The following BLTP3A variants were observed in gnomAD, a reference collection of about 807,000 sequenced individuals.
BLTP3A encodes the protein ICBP90 binding protein 1.
chr6:34,871,737 TA>T, the BLTP3A span: 4 of 1,612,628 alleles, frequency 2.5e-6, no homozygotes, highest in Non-Finnish European at 3.4e-6. Context: ...CCTTTTCTCC[TA>T]AAAGTGAATA....
chr6:34,824,601 A>G, the BLTP3A span, among the ~76,000 whole-genome samples: 1 of 150,730 alleles, frequency 6.6e-6, no homozygotes, highest in African/African-American at 2.4e-5. Flanking sequence ...ATCATCTAGT[A>G]CCTATTTCAT....
the BLTP3A span, among the ~76,000 whole-genome samples, chr6:34,814,335 C>T: frequency 1.3e-5 from 2 of 152,086 alleles, no homozygotes; most frequent in Admixed American, 1.3e-4. Flanking sequence ...TTTTTTTAAC[C>T]TATTCTTTGT....
the BLTP3A span, among the ~76,000 whole-genome samples, chr6:34,809,885 C>A: frequency 6.6e-6 from 1 of 152,214 alleles, no homozygotes; most frequent in East Asian, 1.9e-4. Context: ...GTTTACTGTT[C>A]ACTGGAAGCC....
At chr6:34,820,985 T>C in the BLTP3A span, among the ~76,000 whole-genome samples, 2 of 148,432 alleles carry the variant, frequency 1.3e-5, no homozygotes, top group Non-Finnish European at 3.0e-5. Context: ...AGATGGAGTT[T>C]TGCTCTTGTT....
chr6:34,836,247 G>A, the BLTP3A span: 1 of 1,614,218 alleles, frequency 6.2e-7, no homozygotes, highest in Non-Finnish European at 8.5e-7. Context: ...AGCCGCCTCA[G>A]CCAGTACTTT....
chr6:34,858,748 A>G, the BLTP3A span: 1 of 1,614,246 alleles, frequency 6.2e-7, no homozygotes. Flanking sequence ...GAAAGAAGGC[A>G]GTAGTGGTAT....
chr6:34,805,319 G>A, the BLTP3A span, among the ~76,000 whole-genome samples: 3 of 151,144 alleles, frequency 2.0e-5, no homozygotes, highest in African/African-American at 4.9e-5. Flanking sequence ...ATGGCTGGGC[G>A]TGGTAGCTCA....
the BLTP3A span, chr6:34,876,845 A>G: frequency 6.6e-6 from 1 of 152,186 alleles, no homozygotes; most frequent in Non-Finnish European, 1.5e-5. Context: ...CACAAGGGGA[A>G]ACACTCTTGG....
the BLTP3A span, among the ~76,000 whole-genome samples, chr6:34,868,634 G>T: frequency 6.6e-6 from 1 of 151,596 alleles, no homozygotes; most frequent in Non-Finnish European, 1.5e-5. Context: ...TGAGGCAGGA[G>T]AATTGCTTGA....
At chr6:34,834,829 C>G in the BLTP3A span, 2 of 1,614,114 alleles carry the variant, frequency 1.2e-6, no homozygotes, top group South Asian at 1.1e-5. Context: ...TATTACGAAC[C>G]AAGGCAGGAT....
At chr6:34,843,596 C>A in the BLTP3A span, among the ~76,000 whole-genome samples, 1 of 152,112 alleles carries the variant, frequency 6.6e-6, no homozygotes, top group Non-Finnish European at 1.5e-5. Flanking sequence ...ATTTGTGTTA[C>A]AAACATTCTA....
the BLTP3A span, chr6:34,834,443 G>T: frequency 4.4e-6 from 7 of 1,604,810 alleles, no homozygotes; most frequent in African/African-American, 8.0e-5. Context: ...GAGAATGGGG[G>T]AATATTCAAA....
chr6:34,834,247 A>C, the BLTP3A span: 2 of 1,613,862 alleles, frequency 1.2e-6, no homozygotes, highest in Non-Finnish European at 1.7e-6. Context: ...AGGTGGTGGA[A>C]GGGATGTTCA....
At chr6:34,843,071 C>T in the BLTP3A span, among the ~76,000 whole-genome samples, 4 of 152,296 alleles carry the variant, frequency 2.6e-5, no homozygotes, top group South Asian at 8.3e-4. Context: ...GAAGCCTCAA[C>T]TTCCCAGACT....
chr6:34,827,236 G>A, the BLTP3A span, among the ~76,000 whole-genome samples: 1 of 151,938 alleles, frequency 6.6e-6, no homozygotes, highest in African/African-American at 2.4e-5. Flanking sequence ...GCTTGAACCC[G>A]GGAGGCAGAG....
the BLTP3A span, among the ~76,000 whole-genome samples, chr6:34,807,754 T>C: frequency 1.3e-5 from 2 of 152,148 alleles, no homozygotes; most frequent in African/African-American, 4.8e-5. Flanking sequence ...AAATAGAAAA[T>C]GTAGGCTGGG....
chr6:34,850,504 T>A, the BLTP3A span, among the ~76,000 whole-genome samples: 1 of 152,210 alleles, frequency 6.6e-6, no homozygotes, highest in African/African-American at 2.4e-5. Context: ...TTTGCCCTTT[T>A]GAGGCTATTT....
the BLTP3A span, chr6:34,822,089 C>CTT: frequency 9.2e-7 from 1 of 1,083,160 alleles, no homozygotes; most frequent in Non-Finnish European, 1.4e-6. Context: ...GAGCTTCTCT[C>CTT]TGAGACAGTG....
At chr6:34,801,745 G>A in the BLTP3A span, among the ~76,000 whole-genome samples, 2 of 151,032 alleles carry the variant, frequency 1.3e-5, no homozygotes, top group African/African-American at 2.4e-5. Flanking sequence ...TTTTTGAGAC[G>A]GAGTCTCGCT....
Sources: gnomAD v4.1 joint callset for allele counts (sites outside exome capture counted in the v4.1 genomes callset) on GRCh38, gnomAD v4.1.1 for gene constraint, MANE v1.5 for transcripts, NCBI Gene and HGNC (gene_info 2026-07-23, HGNC 2026-07-21) for gene names.